COL19A1: variants seen among roughly 807,000 people sequenced by gnomAD.
The protein encoded by COL19A1 is collagen alpha-1(XIX) chain.
COL19A1 carries 159 observed loss-of-function variants against 190.2 expected under a neutral mutation model. The observed-to-expected ratio is 0.84, with a 90% confidence interval of 0.73 to 0.95. COL19A1 has a LOEUF of 0.95. Ranked by LOEUF, COL19A1 falls within the 40% of genes least tolerant of loss-of-function variation. The pLI is 0.00. For missense variants in COL19A1, 1,418 were observed against 1,431.9 expected (o/e 0.99, Z 0.16); for synonymous variants, 509 against 458.9 (o/e 1.11, Z -1.39).
chr6:69,991,948 T>G (rs1261954426), intron 11 of COL19A1, among the ~76,000 whole-genome samples: 8 of 152,188 alleles, frequency 5.3e-5, no homozygotes, highest in Admixed American at 5.2e-4. Context: ...CAATTGCTTT[T>G]GTCATCTTCA....
chr6:70,117,426 A>C (rs971248947), intron 16 of COL19A1, among the ~76,000 whole-genome samples: 2 of 152,220 alleles, frequency 1.3e-5, no homozygotes, highest in African/African-American at 4.8e-5. Context: ...CGTGTCTGAC[A>C]AGTCCGGTGG....
In COL19A1 at chr6:70,191,037, T is replaced by C. The variant is rs561445343; in HGVS notation, c.3094+656T>C. Among the ~76,000 whole-genome samples, 296 of 152,344 alleles carry C rather than the reference T, an allele frequency of 1.9e-3. 2 individuals are homozygous for C. The highest frequency in any genetic ancestry group is 6.9e-3 in the African/African-American group (285 of 41,584). ...TATGCACATTCCTTCGCCTCTTTTC[T>C]CTGGCTGTTATCCCACTACAGCAAC... is the stretch of plus-strand genomic sequence containing the variant. On this transcript the variant is annotated intron_variant, in intron 48 of 50. Coordinates refer to ENST00000620364, the MANE Select transcript of COL19A1 (RefSeq NM_001858.6).
chr6:70,009,380 A>G (rs962495579), intron 11 of COL19A1, among the ~76,000 whole-genome samples: 1 of 152,078 alleles, frequency 6.6e-6, no homozygotes, highest in African/African-American at 2.4e-5. Flanking sequence ...AAAAAATGAA[A>G]TTTTGAAAAC....
intron 2 of COL19A1, among the ~76,000 whole-genome samples, chr6:69,889,183 A>AT: frequency 6.6e-6 from 1 of 152,268 alleles, no homozygotes; most frequent in South Asian, 2.1e-4. Context: ...AAAGAAAATT[A>AT]TTTTTCTTAA....
At position 69,938,106 on chromosome 6, in the gene COL19A1, A is replaced by G. The variant is rs745563154; in HGVS notation, c.936+6A>G. 1.1e-5 allele frequency: 17 copies of G among 1,611,366 alleles called. No individual in the cohort carries two copies. Among genetic ancestry groups the G allele is most frequent in the Middle Eastern group, 1.6e-4 (1 of 6,074 alleles). On this transcript the variant is annotated splice_donor_region_variant and intron_variant, in intron 9 of 50. Transcript: ENST00000620364. ...AAGGGCATAAAGGAGAGCCGGTAAG[A>G]AAAAAACAAATACTGATGGAGAAAA...
At chr6:70,098,495 C>T (rs1377168797) in intron 15 of COL19A1, 1 of 497,708 alleles carries the variant, frequency 2.0e-6, no homozygotes, top group Non-Finnish European at 4.0e-6. Context: ...GTGCCTCATT[C>T]GACCAGTCCT....
At chr6:70,002,369 G>C (rs1777316349) in intron 11 of COL19A1, among the ~76,000 whole-genome samples, 3 of 152,062 alleles carry the variant, frequency 2.0e-5, no homozygotes, top group Non-Finnish European at 4.4e-5. Context: ...GTATCAGGAA[G>C]ATGCTGACTT....
At chr6:70,069,666 T>C (rs978043763) in intron 15 of COL19A1, among the ~76,000 whole-genome samples, 1 of 152,152 alleles carries the variant, frequency 6.6e-6, no homozygotes, top group Non-Finnish European at 1.5e-5. Flanking sequence ...GTATTGTACT[T>C]TTGACTTGTA....
chr6:70,027,275 A>G (rs1354652124), intron 12 of COL19A1, among the ~76,000 whole-genome samples: 1 of 152,140 alleles, frequency 6.6e-6, no homozygotes, highest in East Asian at 1.9e-4. Flanking sequence ...GTGTCAATGT[A>G]TCTTATAATA....
At chr6:69,991,571 A>G (rs1776623992) in intron 11 of COL19A1, among the ~76,000 whole-genome samples, 1 of 152,076 alleles carries the variant, frequency 6.6e-6, no homozygotes, top group Admixed American at 6.6e-5. Context: ...CATTTTAATA[A>G]TAGCCATCCT....
At chr6:70,161,545 G>A (rs765254689) in intron 34 of COL19A1, among the ~76,000 whole-genome samples, 43 of 152,190 alleles carry the variant, frequency 2.8e-4, no homozygotes, top group Middle Eastern at 3.4e-3. Context: ...CATACAGAGT[G>A]ATATAATGGA....
rs192187079 is a variant in COL19A1, at chr6:70,140,990, G to A, written c.1482+1G>A. The A allele has an allele frequency of 1.2e-6, 2 of 1,608,612 alleles. No individual in the cohort carries two copies. Among genetic ancestry groups the A allele is most frequent in the Non-Finnish European group, 1.7e-6 (2 of 1,176,154 alleles). On this transcript the variant is annotated splice_donor_variant, in intron 20 of 50. Coordinates refer to ENST00000620364, the MANE Select transcript of COL19A1 (RefSeq NM_001858.6). LOFTEE classifies it high-confidence loss of function. Reference sequence around the variant, plus strand: ...TACAAAAGGAGAAAAAGGAGATAGAGTAAGTAGATATTTTATCACTACCTT... The same window carrying A: ...TACAAAAGGAGAAAAAGGAGATAGAATAAGTAGATATTTTATCACTACCTT...
intron 48 of COL19A1, among the ~76,000 whole-genome samples, chr6:70,195,614 G>A (rs188453365): frequency 6.6e-6 from 1 of 152,228 alleles, no homozygotes; most frequent in African/African-American, 2.4e-5. Flanking sequence ...TTTTGCTAGG[G>A]ATGGGGAGAG....
chr6:69,913,906 CT>C (rs1771122722), intron 4 of COL19A1, among the ~76,000 whole-genome samples: 1 of 151,656 alleles, frequency 6.6e-6, no homozygotes, highest in Non-Finnish European at 1.5e-5. Flanking sequence ...CCCAAGGATA[CT>C]TCAGAATTTA....
chr6:69,877,227 A>G (rs1045097115), intron 1 of COL19A1, among the ~76,000 whole-genome samples: 2 of 152,214 alleles, frequency 1.3e-5, no homozygotes, highest in African/African-American at 4.8e-5. Flanking sequence ...CAATTACCAA[A>G]TACACTGAGG....
At chr6:70,065,943 A>G (rs1460174943) in intron 14 of COL19A1, among the ~76,000 whole-genome samples, 5 of 151,652 alleles carry the variant, frequency 3.3e-5, no homozygotes, top group African/African-American at 9.7e-5. Flanking sequence ...GGCAATCATT[A>G]AAAAGTCAGG....
rs779692285 is a variant in COL19A1 at position 70,168,222 on chromosome 6, A to G, written c.2541+7A>G. Reference sequence around the variant, plus strand: ...AGGGCCACCCGGTCCTCCTGTAAGTACAGTTGTTTATCATCAAACACACTT... The same window carrying G: ...AGGGCCACCCGGTCCTCCTGTAAGTGCAGTTGTTTATCATCAAACACACTT... On this transcript the variant is annotated splice_region_variant and intron_variant, in intron 39 of 50. Transcript: ENST00000620364. The G allele has an allele frequency of 6.2e-7, 1 of 1,612,828 alleles. No individual in the cohort carries two copies. The highest frequency in any genetic ancestry group is 8.5e-7 in the Non-Finnish European group (1 of 1,179,294).
At chr6:70,044,080 G>A (rs753498343) in intron 14 of COL19A1, among the ~76,000 whole-genome samples, 8 of 152,110 alleles carry the variant, frequency 5.3e-5, no homozygotes, top group South Asian at 2.1e-4. Flanking sequence ...TTCTGGAGAC[G>A]GCTTCTTTCC....
At chr6:70,000,024 C>G (rs1357014795) in intron 11 of COL19A1, among the ~76,000 whole-genome samples, 1 of 152,114 alleles carries the variant, frequency 6.6e-6, no homozygotes, top group Non-Finnish European at 1.5e-5. Context: ...ACCCTCCATC[C>G]CTCAACAGCC....
Sources: gnomAD v4.1 joint callset for allele counts (sites outside exome capture counted in the v4.1 genomes callset) on GRCh38, gnomAD v4.1.1 for gene constraint, MANE v1.5 for transcripts, NCBI Gene and HGNC (gene_info 2026-07-23, HGNC 2026-07-21) for gene names.